Variants in SLFN5 observed in about 807,000 individuals in gnomAD.
SLFN5 encodes schlafen family member 5.
SLFN5 carries 34 observed loss-of-function variants against 48.5 expected under a neutral mutation model. That is an observed-to-expected ratio of 0.70 (90% CI 0.53 to 0.93). SLFN5 has a LOEUF of 0.93. SLFN5 is among the 40% of genes least tolerant of loss of function. The pLI is 0.00. For missense variants in SLFN5, 1,006 were observed against 1,071.3 expected (o/e 0.94, Z 0.85); for synonymous variants, 387 against 396.2 (o/e 0.98, Z 0.28).
chr17:35,249,992 G>A (rs899966720), intron 1 of SLFN5, among the ~76,000 whole-genome samples: 7 of 152,150 alleles, frequency 4.6e-5, no homozygotes, highest in Admixed American at 4.6e-4. Flanking sequence ...GAAGTCAGAC[G>A]CAAAGGAATG....
At chr17:35,255,866 CA>C (rs2092452920) in intron 1 of SLFN5, among the ~76,000 whole-genome samples, 1 of 152,154 alleles carries the variant, frequency 6.6e-6, no homozygotes, top group African/African-American at 2.4e-5. Context: ...TCTTCCTCCC[CA>C]AACAGAGGTA....
At chr17:35,262,826 T>C (rs1375117940) in intron 3 of SLFN5, among the ~76,000 whole-genome samples, 1 of 152,064 alleles carries the variant, frequency 6.6e-6, no homozygotes, top group East Asian at 1.9e-4. Flanking sequence ...ATCATACCAT[T>C]GTACCCCAGT....
intron 1 of SLFN5, among the ~76,000 whole-genome samples, chr17:35,247,312 G>A (rs761962367): frequency 1.3e-5 from 2 of 152,174 alleles, no homozygotes; most frequent in Non-Finnish European, 2.9e-5. Flanking sequence ...TGTCTATGAG[G>A]CTTTGACAAA....
chr17:35,273,255 C>T lies in SLFN5; in HGVS notation c.*7367C>T, dbSNP rs1359613385. 6.6e-6 allele frequency: 1 copy of T among 152,110 alleles called. No individual in the cohort carries two copies. Among genetic ancestry groups the T allele is most frequent in the Non-Finnish European group, 1.5e-5 (1 of 68,006 alleles). 9.4% of individuals were successfully genotyped at this position (152,110 alleles called of 1,614,324 possible). A position where few individuals can be genotyped will look rare whatever the true frequency, so the allele number is the denominator to read the frequency against. ...CAATATAAGTCTGTGCTTGTAAATG[C>T]AGTAAGTATCTTTGGAAGTATACCT... On this transcript the variant is annotated 3_prime_UTR_variant, in exon 5 of 5. Coordinates refer to ENST00000299977, the MANE Select transcript of SLFN5 (RefSeq NM_144975.4).
chr17:35,264,022 C>T (rs750842739), intron 3 of SLFN5, among the ~76,000 whole-genome samples, 161 bp from the exon 4 acceptor site: 3 of 152,028 alleles, frequency 2.0e-5, no homozygotes, highest in Admixed American at 6.5e-5. Flanking sequence ...AGCTAATTAG[C>T]GCCCCATCAA....
intron 1 of SLFN5, among the ~76,000 whole-genome samples, chr17:35,254,106 G>C (rs1222234778): frequency 6.6e-6 from 1 of 152,094 alleles, no homozygotes; most frequent in Non-Finnish European, 1.5e-5. Context: ...ATCATGACTA[G>C]GACTTTATTT....
intron 1 of SLFN5, among the ~76,000 whole-genome samples, chr17:35,248,867 C>T (rs2092436371): frequency 6.6e-6 from 1 of 152,148 alleles, no homozygotes; most frequent in African/African-American, 2.4e-5. Context: ...GTCAGAATCT[C>T]AGGTGCTAAA....
chr17:35,252,543 C>A (rs1183417262), intron 1 of SLFN5, among the ~76,000 whole-genome samples: 2 of 152,112 alleles, frequency 1.3e-5, no homozygotes, highest in African/African-American at 2.4e-5. Flanking sequence ...AGATAATGTG[C>A]CTTTTTCCTC....
intron 3 of SLFN5, among the ~76,000 whole-genome samples, chr17:35,261,920 A>C (rs1597653708): frequency 7.7e-6 from 1 of 129,840 alleles, no homozygotes; most frequent in East Asian, 2.4e-4. Flanking sequence ...GTCAGGTAAT[A>C]CACCCACCTC....
Position 35,266,005 on chromosome 17 carries a change from T to C in SLFN5, c.*117T>C, listed in dbSNP as rs2291190. On this transcript the variant is annotated 3_prime_UTR_variant, in exon 5 of 5. Coordinates refer to ENST00000299977, the MANE Select transcript of SLFN5 (RefSeq NM_144975.4). ...TTATTAAGTCACATACTTTTCTAGG[T>C]GCTGGGGATTGAGAACGAATCGATG... The C allele has an allele frequency of 0.11, 124,645 of 1,109,560 alleles. 7,803 individuals are homozygous for C. Among genetic ancestry groups the C allele is most frequent in the Middle Eastern group, 0.14 (456 of 3,210 alleles). The allele number at this position is 1,109,560 out of a possible 1,614,324, so 68.7% of individuals were successfully genotyped here. A position where few individuals can be genotyped will look rare whatever the true frequency, so the allele number is the denominator to read the frequency against.
rs1216938490 is a variant in SLFN5, at chr17:35,272,062, G to A, written c.*6174G>A. On this transcript the variant is annotated 3_prime_UTR_variant, in exon 5 of 5. Transcript: ENST00000299977. ...AAAAAAAAATTATTGGAAACTACGA[G>A]GCAAGAATATCCAAGAAAAATCTAG... 1 of 151,818 alleles carries A rather than the reference G, an allele frequency of 6.6e-6. No individual in the cohort carries two copies. Among genetic ancestry groups the A allele is most frequent in the Non-Finnish European group, 1.5e-5 (1 of 67,986 alleles). 9.4% of individuals were successfully genotyped at this position (151,818 alleles called of 1,614,324 possible).
At position 35,261,028 on chromosome 17, in the gene SLFN5, G is replaced by A. The variant is rs201772135; in HGVS notation, c.1070G>A (p.Arg357His). 289 of 1,613,772 alleles carry A rather than the reference G, an allele frequency of 1.8e-4. 1 individual carries two copies. Among genetic ancestry groups the A allele is most frequent in the Middle Eastern group, 3.3e-4 (2 of 6,084 alleles). Residue 357 changes from arginine to histidine, a missense_variant, in exon 3 of 5, where the codon CGC (arginine) becomes CAC (histidine). Physicochemically the swap from Arg to His is conservative, Grantham distance 29. Coordinates refer to ENST00000299977, the MANE Select transcript of SLFN5 (RefSeq NM_144975.4). ...LQLSLSSATP[R>H]SKPVCIHKNS... Reference sequence around the variant, plus strand: ...TTGAGTTTGTCATCTGCCACGCCCCGCAGCAAGCCTGTGTGCATTCATAAG... The same window carrying A: ...TTGAGTTTGTCATCTGCCACGCCCCACAGCAAGCCTGTGTGCATTCATAAG...
At position 35,258,464 on chromosome 17, in the gene SLFN5, G is replaced by A. The variant is rs1055704767; in HGVS notation, c.-40-187G>A. On this transcript the variant is annotated intron_variant, in intron 1 of 4. Coordinates refer to ENST00000299977, the MANE Select transcript of SLFN5 (RefSeq NM_144975.4). ...CCCATGACTCAATTATCTCCCACCGGCTTCCTCCTACAACATGTGGGAATT... is the reference window on the plus strand; with the variant it reads ...CCCATGACTCAATTATCTCCCACCGACTTCCTCCTACAACATGTGGGAATT... 3.3e-5 allele frequency among the ~76,000 whole-genome samples: 5 copies of A among 152,236 alleles called. No homozygotes were observed. In the South Asian group the frequency reaches 1.0e-3, roughly 32 times the overall value.
In SLFN5 at chr17:35,269,765, A is replaced by G. The variant is rs1904788179; in HGVS notation, c.*3877A>G. The stretch of plus-strand genomic sequence containing the variant: ...GAAAAATTTCCACAAAACATGATGT[A>G]AAGTGGAAAGATCAGTTCCCCCAAA... On this transcript the variant is annotated 3_prime_UTR_variant, in exon 5 of 5. Coordinates refer to ENST00000299977, the MANE Select transcript of SLFN5 (RefSeq NM_144975.4). 1 of 152,262 alleles carries G rather than the reference A, an allele frequency of 6.6e-6. No individual in the cohort carries two copies. The highest frequency in any genetic ancestry group is 1.5e-5 in the Non-Finnish European group (1 of 68,048). 9.4% of individuals were successfully genotyped at this position (152,262 alleles called of 1,614,324 possible). A position where few individuals can be genotyped will look rare whatever the true frequency, so the allele number is the denominator to read the frequency against.
chr17:35,264,051 T>C, intron 3 of SLFN5, 132 bp from the exon 4 acceptor site: 1 of 1,119,540 alleles, frequency 8.9e-7, no homozygotes, highest in Non-Finnish European at 1.2e-6. Context: ...TTGTTTATCT[T>C]TTTATTACTA....
intron 1 of SLFN5, among the ~76,000 whole-genome samples, chr17:35,247,466 C>T (rs1254759970): frequency 6.6e-6 from 1 of 152,186 alleles, no homozygotes; most frequent in African/African-American, 2.4e-5. Context: ...ACTGTGTGGA[C>T]TCCCATTTTC....
intron 1 of SLFN5, among the ~76,000 whole-genome samples, chr17:35,250,658 CAAA>C (rs58089633): frequency 2.2e-5 from 3 of 134,182 alleles, no homozygotes; most frequent in Non-Finnish European, 1.6e-5. Flanking sequence ...AGACTCATCT[CAAA>C]AAAAAAAAAA....
chr17:35,250,372 A>G (rs1285224661), intron 1 of SLFN5, among the ~76,000 whole-genome samples: 1 of 152,198 alleles, frequency 6.6e-6, no homozygotes. Flanking sequence ...GTAAGAGTTA[A>G]AAGATGGCTG....
chr17:35,261,472 C>T (rs1904517666), intron 3 of SLFN5, among the ~76,000 whole-genome samples: 1 of 152,000 alleles, frequency 6.6e-6, no homozygotes, highest in African/African-American at 2.4e-5. Flanking sequence ...AATTTGAGAC[C>T]AGCCTGGGCA....
Sources: gnomAD v4.1 joint callset for allele counts (sites outside exome capture counted in the v4.1 genomes callset) on GRCh38, gnomAD v4.1.1 for gene constraint, MANE v1.5 for transcripts, NCBI Gene and HGNC (gene_info 2026-07-23, HGNC 2026-07-21) for gene names.